Variants in TMEM132B observed in about 807,000 individuals in gnomAD.
TMEM132B encodes the protein transmembrane protein 132B.
In TMEM132B, 18 loss-of-function variants were observed where a neutral mutation model predicts 90.8. The observed-to-expected ratio is 0.20, with a 90% CI of 0.14 to 0.29. The LOEUF is 0.29. Ranked by LOEUF, TMEM132B falls within the 10% of genes least tolerant of loss-of-function variation. The probability of loss-of-function intolerance (pLI) is 1.00; values close to 1 mark genes in which losing one functional copy is unlikely to be tolerated. For missense variants in TMEM132B, 1,096 were observed against 1,326.8 expected, an observed-to-expected ratio of 0.83 and a Z score of 2.70; for synonymous variants, 504 against 523.3, an observed-to-expected ratio of 0.96 and a Z score of 0.50.
At chr12:125,497,579 C>T (rs1049381289) in intron 3 of TMEM132B, among the ~76,000 whole-genome samples, 3 of 152,110 alleles carry the variant, frequency 2.0e-5, no homozygotes, top group African/African-American at 2.4e-5. Context: ...TTTGAACCCT[C>T]GGTAAGTGTT....
At chr12:125,282,269 G>C (rs1467124738) in intron 1 of TMEM132B, among the ~76,000 whole-genome samples, 1 of 152,038 alleles carries the variant, frequency 6.6e-6, no homozygotes, top group African/African-American at 2.4e-5. Context: ...GCTGGATGCC[G>C]TGTGCTGCCT....
intron 1 of TMEM132B, among the ~76,000 whole-genome samples, chr12:125,321,201 G>A (rs185774125): frequency 2.5e-4 from 38 of 152,308 alleles, no homozygotes; most frequent in African/African-American, 6.0e-4. Context: ...GAGAGAAACC[G>A]GAGGTCCTAA....
chr12:125,630,693 G>A (rs1051489348), intron 5 of TMEM132B, among the ~76,000 whole-genome samples: 8 of 151,928 alleles, frequency 5.3e-5, no homozygotes, highest in African/African-American at 1.9e-4. Flanking sequence ...TGTCACCCAG[G>A]TACTACGCCT....
intron 1 of TMEM132B, among the ~76,000 whole-genome samples, chr12:125,242,749 G>C (rs1874102453): frequency 1.3e-5 from 2 of 152,160 alleles, no homozygotes; most frequent in South Asian, 4.1e-4. Context: ...TGGGGCCAGG[G>C]TGCTGCCAAG....
At chr12:125,298,357 A>C (rs1233165629) in intron 1 of TMEM132B, among the ~76,000 whole-genome samples, 6 of 106,836 alleles carry the variant, frequency 5.6e-5, no homozygotes, top group African/African-American at 2.2e-4. Context: ...TCTCTACTCC[A>C]TTTTGTAGGA....
At chr12:125,259,698 G>A (rs1442009133) in intron 1 of TMEM132B, among the ~76,000 whole-genome samples, 1 of 152,172 alleles carries the variant, frequency 6.6e-6, no homozygotes, top group Admixed American at 6.5e-5. Flanking sequence ...AAAGATAAAT[G>A]TGTCTGGATA....
chr12:125,346,420 G>C (rs1481052952), intron 1 of TMEM132B, among the ~76,000 whole-genome samples: 1 of 152,176 alleles, frequency 6.6e-6, no homozygotes, highest in African/African-American at 2.4e-5. Flanking sequence ...TCACTTCCAA[G>C]TCTGGTGTGC....
intron 3 of TMEM132B, among the ~76,000 whole-genome samples, chr12:125,456,907 C>T (rs1233736892): frequency 1.3e-5 from 2 of 152,212 alleles, no homozygotes; most frequent in African/African-American, 4.8e-5. Context: ...TCTCTTTTGG[C>T]TGGGAACCCC....
chr12:125,463,749 CT>C (rs1278562547), intron 3 of TMEM132B, among the ~76,000 whole-genome samples: 1 of 152,138 alleles, frequency 6.6e-6, no homozygotes, highest in Non-Finnish European at 1.5e-5. Context: ...AGGAAAGGCT[CT>C]GTTAATATTC....
intron 4 of TMEM132B, among the ~76,000 whole-genome samples, chr12:125,544,083 G>T (rs1206953012): frequency 1.3e-5 from 2 of 152,140 alleles, no homozygotes; most frequent in Non-Finnish European, 2.9e-5. Flanking sequence ...ATTATCCTCG[G>T]CAAACTAACA....
chr12:125,331,049 T>G (rs571038668), intron 1 of TMEM132B, among the ~76,000 whole-genome samples: 39 of 152,192 alleles, frequency 2.6e-4, no homozygotes, highest in Admixed American at 2.0e-4. Flanking sequence ...AGGGGAGGGA[T>G]GCACCACCGG....
chr12:125,463,746 G>A (rs1015399369), intron 3 of TMEM132B, among the ~76,000 whole-genome samples: 10 of 152,140 alleles, frequency 6.6e-5, no homozygotes, highest in Admixed American at 1.3e-4. Context: ...TCCAGGAAAG[G>A]CTCTGTTAAT....
chr12:125,372,290 G>T (rs1253885375), intron 2 of TMEM132B, among the ~76,000 whole-genome samples: 1 of 152,232 alleles, frequency 6.6e-6, no homozygotes, highest in African/African-American at 2.4e-5. Flanking sequence ...CTGGCAGTTT[G>T]CTAGAGCTCA....
chr12:125,476,060 G>A (rs552884368), intron 3 of TMEM132B, among the ~76,000 whole-genome samples: 3 of 152,088 alleles, frequency 2.0e-5, no homozygotes, highest in Non-Finnish European at 4.4e-5. Context: ...TGGGGAAGCC[G>A]GGTAGCCAAA....
At chr12:125,259,922 G>A (rs970784813) in intron 1 of TMEM132B, among the ~76,000 whole-genome samples, 3 of 152,062 alleles carry the variant, frequency 2.0e-5, no homozygotes, top group Non-Finnish European at 4.4e-5. Context: ...AGCTCTCGGT[G>A]ACCTTGTTTG....
rs760989881 is a variant in TMEM132B, at chr12:125,240,806, T to G, written c.67+53940T>G. Reference sequence around the variant, plus strand: ...CAGTGTGTGATTACGGACTCTGTGGTGGGATTAGTTGATAAATGTCTGCTG... The same window carrying G: ...CAGTGTGTGATTACGGACTCTGTGGGGGGATTAGTTGATAAATGTCTGCTG... On this transcript the variant is annotated intron_variant, in intron 1 of 8. Transcript: ENST00000682704. Among the ~76,000 whole-genome samples the G allele has an allele frequency of 2.6e-5, 4 of 152,136 alleles. 1 individual carries two copies. Among genetic ancestry groups the G allele is most frequent in the Non-Finnish European group, 5.9e-5 (4 of 68,032 alleles).
chr12:125,427,187 T>A (rs184552490), intron 3 of TMEM132B, among the ~76,000 whole-genome samples: 2 of 152,190 alleles, frequency 1.3e-5, no homozygotes, highest in African/African-American at 4.8e-5. Flanking sequence ...TGCATCTGGA[T>A]GGGTGCCTCT....
At chr12:125,499,229 G>A (rs560882010) in intron 3 of TMEM132B, among the ~76,000 whole-genome samples, 1 of 152,268 alleles carries the variant, frequency 6.6e-6, no homozygotes, top group African/African-American at 2.4e-5. Flanking sequence ...CAGGCCCTAG[G>A]AAATTCTAAA....
In TMEM132B at chr12:125,659,375, T is replaced by C. The variant is rs895540387; in HGVS notation, c.*4665T>C. ...CGGGTGTTTGAGAGCCTTTGACCTC[T>C]GTCCACCCTTTGGTCTTTGCTCGTC... On this transcript the variant is annotated 3_prime_UTR_variant, in exon 9 of 9. Transcript: ENST00000682704. 2.0e-5 allele frequency: 3 copies of C among 152,322 alleles called. No homozygotes were observed. The highest frequency in any genetic ancestry group is 4.4e-5 in the Non-Finnish European group (3 of 68,114). 9.4% of individuals were successfully genotyped at this position (152,322 alleles called of 1,614,324 possible). A position where few individuals can be genotyped will look rare whatever the true frequency, so the allele number is the denominator to read the frequency against.
Sources: allele counts gnomAD v4.1 joint callset (sites outside exome capture counted in the v4.1 genomes callset), GRCh38; gene constraint gnomAD v4.1.1; transcripts MANE v1.5; gene names NCBI Gene and HGNC (gene_info 2026-07-23, HGNC 2026-07-21).